The following ABCA12 variants were observed in gnomAD, a reference collection of about 807,000 sequenced individuals.
ABCA12 encodes ATP binding cassette subfamily A member 12, also known as glucosylceramide transporter ABCA12.
In ABCA12, 156 loss-of-function variants were observed where a neutral mutation model predicts 293.5. The ratio of observed to expected loss-of-function variants is 0.53; its 90% CI spans 0.47 to 0.61. ABCA12 has a LOEUF of 0.61. ABCA12 is among the 20% of genes least tolerant of loss of function. The pLI is 0.00. For synonymous variants in ABCA12, 1,063 were observed against 1,108.0 expected, an observed-to-expected ratio of 0.96 and a Z score of 0.81; for missense variants, 2,797 against 3,090.2, an observed-to-expected ratio of 0.91 and a Z score of 2.25.
intron 2 of ABCA12, among the ~76,000 whole-genome samples, chr2:215,090,592 C>T (rs899810067): frequency 2.6e-5 from 4 of 152,112 alleles, no homozygotes; most frequent in Admixed American, 6.5e-5. Context: ...ACTCCAGCGC[C>T]GGTCACAGAC....
intron 1 of ABCA12, among the ~76,000 whole-genome samples, chr2:215,118,230 C>T (rs532788339): frequency 1.2e-4 from 18 of 151,950 alleles, no homozygotes; most frequent in Non-Finnish European, 2.2e-4. Context: ...GGTGAAAACC[C>T]GTCTCTACTA....
At chr2:214,990,446 G>A (rs1267519064) in intron 24 of ABCA12, among the ~76,000 whole-genome samples, 1 of 152,172 alleles carries the variant, frequency 6.6e-6, no homozygotes, top group African/African-American at 2.4e-5. Flanking sequence ...AAAACATGAT[G>A]TATGACATTT....
At chr2:215,030,057 A>T (rs1017262070) in intron 9 of ABCA12, 4 of 152,218 alleles carry the variant, frequency 2.6e-5, no homozygotes, top group Non-Finnish European at 5.9e-5. Context: ...TAATTTCATC[A>T]ATCACAACAA....
At chr2:215,111,207 G>A (rs1022298317) in intron 2 of ABCA12, among the ~76,000 whole-genome samples, 25 of 152,178 alleles carry the variant, frequency 1.6e-4, no homozygotes, top group African/African-American at 4.8e-4. Flanking sequence ...TACTACTCTG[G>A]ATTTTCATTT....
intron 2 of ABCA12, among the ~76,000 whole-genome samples, chr2:215,097,079 AT>A (rs1702261784): frequency 6.6e-6 from 1 of 152,194 alleles, no homozygotes; most frequent in African/African-American, 2.4e-5. Context: ...GTCAATTACA[AT>A]TATAAAGGAG....
At chr2:214,933,711 C>A (rs1324709760) in intron 52 of ABCA12, among the ~76,000 whole-genome samples, 1 of 152,162 alleles carries the variant, frequency 6.6e-6, no homozygotes, top group African/African-American at 2.4e-5. Flanking sequence ...CCCTGTCCAA[C>A]CCTAATCCAG....
At chr2:215,103,960 C>T (rs1702411176) in intron 2 of ABCA12, among the ~76,000 whole-genome samples, 1 of 151,600 alleles carries the variant, frequency 6.6e-6, no homozygotes, top group African/African-American at 2.4e-5. Context: ...GCACTCCAGC[C>T]TGGGCAACAG....
chr2:215,116,046 TAAC>T (rs1190998078), intron 1 of ABCA12, among the ~76,000 whole-genome samples: 1 of 152,178 alleles, frequency 6.6e-6, no homozygotes, highest in Non-Finnish European at 1.5e-5. Flanking sequence ...AAGGTAATTA[TAAC>T]AATTGGAAAA....
intron 39 of ABCA12, among the ~76,000 whole-genome samples, chr2:214,961,572 A>G (rs1191026300): frequency 6.6e-6 from 1 of 152,050 alleles, no homozygotes; most frequent in African/African-American, 2.4e-5. Context: ...ATTTTCCCCT[A>G]GTTATTTCTA....
At chr2:215,070,540 C>G (rs1429481286) in intron 2 of ABCA12, among the ~76,000 whole-genome samples, 2 of 111,128 alleles carry the variant, frequency 1.8e-5, no homozygotes, top group Non-Finnish European at 3.6e-5. Context: ...CCCCCTCCCC[C>G]CACCCCACAA....
intron 50 of ABCA12, among the ~76,000 whole-genome samples, chr2:214,940,896 T>A (rs998564577): frequency 1.2e-4 from 19 of 152,096 alleles, no homozygotes; most frequent in African/African-American, 4.6e-4. Flanking sequence ...TCTACTTTGG[T>A]AGTCTTTTCA....
At chr2:214,940,007 AGGATT>A (rs1698345455) in intron 50 of ABCA12, among the ~76,000 whole-genome samples, 1 of 152,184 alleles carries the variant, frequency 6.6e-6, no homozygotes, top group South Asian at 2.1e-4. Context: ...TATGTTGAAT[AGGATT>A]GGTGAGAGAG....
At position 215,018,047 on chromosome 2, in the gene ABCA12, G is replaced by C. The variant is rs144534912; in HGVS notation, c.1743C>G (p.Asp581Glu). ...RTTGMSNRTI[D>E]KLLAIPIPDN... The stretch of plus-strand genomic sequence containing the variant: ...CAGGGATGGGAATGGCCAGCAACTT[G>C]TCAATAGTCCTGTTGGACATTCCTG... The change falls in exon 14 of 53, where the codon GAC becomes GAG. Residue 581 changes from aspartate to glutamate, a missense_variant. Around this residue, in one of 3 missense-constraint regions of ABCA12, gnomAD observed 2,130 missense variants for 2,427.0 expected, o/e 0.88. Coordinates refer to ENST00000272895, the MANE Select transcript of ABCA12 (RefSeq NM_173076.3). 1.8e-3 allele frequency: 2,837 copies of C among 1,614,132 alleles called. 4 individuals are homozygous for C. The highest frequency in any genetic ancestry group is 2.2e-3 in the Non-Finnish European group (2,619 of 1,180,008).
chr2:215,130,106 A>G (rs537190605), intron 1 of ABCA12, among the ~76,000 whole-genome samples: 3 of 152,224 alleles, frequency 2.0e-5, no homozygotes, highest in African/African-American at 7.2e-5. Flanking sequence ...TATCAGTATC[A>G]TGCTGTTTTA....
chr2:215,104,091 A>C (rs1702414303), intron 2 of ABCA12, among the ~76,000 whole-genome samples: 1 of 152,210 alleles, frequency 6.6e-6, no homozygotes, highest in East Asian at 1.9e-4. Flanking sequence ...CCTGTCTGAC[A>C]AAAGGCCCTC....
At chr2:215,099,713 C>G in intron 2 of ABCA12, among the ~76,000 whole-genome samples, 1 of 148,578 alleles carries the variant, frequency 6.7e-6, no homozygotes, top group Non-Finnish European at 1.5e-5. Flanking sequence ...AAAAAAAATT[C>G]TGACCCCTGG....
At position 214,978,565 on chromosome 2, in the gene ABCA12, G is replaced by A. The variant is rs1016726382; in HGVS notation, c.4978-99C>T. On this transcript the variant is annotated intron_variant, in intron 32 of 52. Transcript: ENST00000272895. ...ATTTTGAACTTTTATCACATTTACT[G>A]AGACAAATTTTTCCCGTCTGACTTC... The A allele has an allele frequency of 6.9e-5, 100 of 1,444,668 alleles. No individual in the cohort carries two copies. The Admixed American group carries it at 8.7e-4, about 13-fold the overall frequency. 89.5% of individuals were successfully genotyped at this position (1,444,668 alleles called of 1,614,324 possible). A position where few individuals can be genotyped will look rare whatever the true frequency, so the allele number is the denominator to read the frequency against.
intron 38 of ABCA12, 138 bp downstream of exon 38, chr2:214,968,582 G>T: frequency 1.3e-6 from 1 of 780,448 alleles, no homozygotes; most frequent in Non-Finnish European, 2.2e-6. Flanking sequence ...ACACAGAATT[G>T]GAACCACTGT....
chr2:214,979,136 C>T (rs1699592944), intron 31 of ABCA12, 96 bp from the exon 32 acceptor site: 1 of 1,037,702 alleles, frequency 9.6e-7, no homozygotes, highest in Non-Finnish European at 1.5e-6. Flanking sequence ...CTCTTTTAGG[C>T]CACTCCACAC....
Sources: gnomAD v4.1 joint callset for allele counts (sites outside exome capture counted in the v4.1 genomes callset) on GRCh38, gnomAD v4.1.1 for gene constraint, gnomAD v4.1.1 regional missense constraint, MANE v1.5 for transcripts, NCBI Gene and HGNC (gene_info 2026-07-23, HGNC 2026-07-21) for gene names.